ADCY1: variants seen among roughly 807,000 people sequenced by gnomAD.
ADCY1 encodes adenylate cyclase type 1.
ADCY1 carries 28 observed loss-of-function variants against 105.4 expected under a neutral mutation model. That is an observed-to-expected ratio of 0.27 (90% CI 0.20 to 0.36). The LOEUF (loss-of-function observed/expected upper bound fraction) is 0.36. Among genes scored for constraint, ADCY1 ranks in the 10% least tolerant of loss-of-function variants. ADCY1 has a pLI of 1.00. For synonymous variants in ADCY1, 655 were observed against 623.8 expected, an observed-to-expected ratio of 1.05 and a Z score of -0.75; for missense variants, 977 against 1,434.2, an observed-to-expected ratio of 0.68 and a Z score of 5.15.
chr7:45,591,395 C>T lies in ADCY1; in HGVS notation c.640-1364C>T, dbSNP rs931213148. 1.1e-4 allele frequency among the ~76,000 whole-genome samples: 16 copies of T among 152,350 alleles called. No homozygotes were observed. The highest frequency in any genetic ancestry group is 9.1e-4 in the Admixed American group (14 of 15,310). ...CCTCCTGGACTCGCTTGGTCCCCGTCAGGTGGCAGCTGCTCCCCACACTAC... is the reference window on the plus strand; with the variant it reads ...CCTCCTGGACTCGCTTGGTCCCCGTTAGGTGGCAGCTGCTCCCCACACTAC... On this transcript the variant is annotated intron_variant, in intron 1 of 19. Coordinates refer to ENST00000297323, the MANE Select transcript of ADCY1 (RefSeq NM_021116.4). The surrounding 1 kb of genome is among the most constrained non-coding windows in gnomAD (Gnocchi z 4.1).
rs1357339526 is a variant in ADCY1, at chr7:45,718,012, C to T, written c.*4017C>T. 1 of 152,416 alleles carries T rather than the reference C, an allele frequency of 6.6e-6. No individual in the cohort carries two copies. Among genetic ancestry groups the T allele is most frequent in the East Asian group, 1.9e-4 (1 of 5,176 alleles). 9.4% of individuals were successfully genotyped at this position (152,416 alleles called of 1,614,324 possible). On this transcript the variant is annotated 3_prime_UTR_variant, in exon 20 of 20. Transcript: ENST00000297323. ...GGCGGGGAGCTGCCACTCCCAAAGC[C>T]TCCACCCCTTCCTGAAGACCCAGCT...
intron 8 of ADCY1, among the ~76,000 whole-genome samples, chr7:45,670,914 T>G (rs985083369): frequency 1.3e-5 from 2 of 152,226 alleles, no homozygotes; most frequent in African/African-American, 4.8e-5. Flanking sequence ...CTCAGAACTG[T>G]CAGACCAGGG....
intron 1 of ADCY1, among the ~76,000 whole-genome samples, chr7:45,580,297 G>A (rs925490573): frequency 6.6e-6 from 1 of 152,174 alleles, no homozygotes; most frequent in Non-Finnish European, 1.5e-5. Context: ...GAGTCTGGTC[G>A]CACTGATGGA....
intron 14 of ADCY1, among the ~76,000 whole-genome samples, chr7:45,699,985 C>G (rs1483557138): frequency 2.0e-5 from 3 of 152,200 alleles, no homozygotes; most frequent in Non-Finnish European, 2.9e-5. Context: ...CTTGGTCTCT[C>G]TGGTTATCAA....
chr7:45,709,916 C>T (rs1321924263), intron 18 of ADCY1, among the ~76,000 whole-genome samples: 2 of 152,144 alleles, frequency 1.3e-5, no homozygotes, highest in East Asian at 1.9e-4. Context: ...GACTCAAGTT[C>T]GGGTGTGCCT....
chr7:45,685,168 T>C (rs758867167), intron 12 of ADCY1, 100 bp downstream of exon 12: 2 of 1,133,042 alleles, frequency 1.8e-6, no homozygotes, highest in Non-Finnish European at 2.7e-6. Flanking sequence ...GACAGGGAGG[T>C]CATCAGAGAC....
intron 11 of ADCY1, among the ~76,000 whole-genome samples, chr7:45,681,975 C>T (rs917617843): frequency 3.3e-5 from 5 of 152,234 alleles, no homozygotes; most frequent in Admixed American, 1.3e-4. Context: ...ACCTTCACCC[C>T]TATCTGGTTT....
intron 4 of ADCY1, among the ~76,000 whole-genome samples, chr7:45,636,634 G>A (rs1287890141): frequency 5.3e-5 from 8 of 152,104 alleles, no homozygotes; most frequent in African/African-American, 1.9e-4. Context: ...TCCGCCTCCC[G>A]GGTTCAAGAG....
At chr7:45,582,517 G>C (rs541416547) in intron 1 of ADCY1, among the ~76,000 whole-genome samples, 1 of 143,778 alleles carries the variant, frequency 7.0e-6, no homozygotes, top group South Asian at 2.2e-4. Context: ...GAGTGGGGCT[G>C]TCTGCCACTC....
At chr7:45,630,525 C>G in intron 4 of ADCY1, among the ~76,000 whole-genome samples, 1 of 152,144 alleles carries the variant, frequency 6.6e-6, no homozygotes, top group East Asian at 1.9e-4. Flanking sequence ...GAGAATTTGT[C>G]CCTTAACTCT....
At chr7:45,670,757 C>G (rs1330408010) in intron 8 of ADCY1, among the ~76,000 whole-genome samples, 1 of 152,110 alleles carries the variant, frequency 6.6e-6, no homozygotes, top group Non-Finnish European at 1.5e-5. Context: ...CTGTGTCCTT[C>G]AGTCCCTGAC....
chr7:45,591,409 T>TC lies in ADCY1; in HGVS notation c.640-1346dup, dbSNP rs1792913183. Among the ~76,000 whole-genome samples the TC allele has an allele frequency of 6.6e-6, 1 of 152,232 alleles. No individual in the cohort carries two copies. Among genetic ancestry groups the TC allele is most frequent in the Admixed American group, 6.5e-5 (1 of 15,288 alleles). On this transcript the variant is annotated intron_variant, in intron 1 of 19. Transcript: ENST00000297323. This position sits in a 1 kb window ranked among gnomAD's most constrained non-coding sequence, Gnocchi z 4.1. ...TTGGTCCCCGTCAGGTGGCAGCTGCTCCCCACACTACTGTGTGAGTTTGTT... is the reference window on the plus strand; with the variant it reads ...TTGGTCCCCGTCAGGTGGCAGCTGCTCCCCCACACTACTGTGTGAGTTTGTT...
chr7:45,594,047 CTG>C (rs1793003314), intron 2 of ADCY1, among the ~76,000 whole-genome samples: 1 of 152,034 alleles, frequency 6.6e-6, no homozygotes, highest in Non-Finnish European at 1.5e-5. Flanking sequence ...GCATGTGTGT[CTG>C]TGAATGCCTG....
intron 7 of ADCY1, 33 bp downstream of exon 7, chr7:45,660,216 C>T: frequency 6.2e-7 from 1 of 1,612,868 alleles, no homozygotes; most frequent in Non-Finnish European, 8.5e-7. Flanking sequence ...TTTGGTTGAT[C>T]CTTAGCTTCT....
In ADCY1 at chr7:45,713,698, T is replaced by A; in HGVS notation, c.3063T>A (p.Thr1021=). The part of the protein sequence containing the change: ...STGVQGRIQV[T]EEVHRLLRRC... ...TCACTTCTCTCCATCAACAGGTGAC[T>A]GAGGAAGTCCACCGGCTGCTGAGAA... The change falls in exon 20 of 20, where the codon ACT becomes ACA. Residue 1021 remains threonine, a synonymous_variant. Coordinates refer to ENST00000297323, the MANE Select transcript of ADCY1 (RefSeq NM_021116.4). The A allele has an allele frequency of 1.3e-6, 1 of 779,772 alleles. No individual in the cohort carries two copies. Among genetic ancestry groups the A allele is most frequent in the Non-Finnish European group, 2.4e-6 (1 of 417,630 alleles). 48.3% of individuals were successfully genotyped at this position (779,772 alleles called of 1,614,324 possible).
intron 1 of ADCY1, among the ~76,000 whole-genome samples, chr7:45,580,432 A>G (rs147166821): frequency 5.5e-4 from 83 of 152,274 alleles, no homozygotes; most frequent in Admixed American, 1.2e-3. Context: ...CCATGACCCC[A>G]CGGTGTTTAG....
chr7:45,623,173 C>A (rs2115929595), intron 4 of ADCY1, among the ~76,000 whole-genome samples: 1 of 152,322 alleles, frequency 6.6e-6, no homozygotes, highest in East Asian at 1.9e-4. Flanking sequence ...AACTTGTCAG[C>A]TGGGGGCCCA....
intron 2 of ADCY1, among the ~76,000 whole-genome samples, chr7:45,609,103 G>T (rs1469803768): frequency 6.6e-6 from 1 of 152,244 alleles, no homozygotes; most frequent in Non-Finnish European, 1.5e-5. Context: ...CTGCCATGTG[G>T]AACAGAGGGG....
chr7:45,641,927 C>T (rs377680446), intron 4 of ADCY1, among the ~76,000 whole-genome samples: 17 of 288 alleles, frequency 0.059, no homozygotes, highest in East Asian at 0.5. Context: ...AGCGAGACTC[C>T]GTCTCAAAAA....
Sources: gnomAD v4.1 joint callset for allele counts (sites outside exome capture counted in the v4.1 genomes callset) on GRCh38, gnomAD v4.1.1 for gene constraint, Gnocchi (gnomAD v3.1) non-coding constraint, MANE v1.5 for transcripts, NCBI Gene and HGNC (gene_info 2026-07-23, HGNC 2026-07-21) for gene names.